SF3B4: variants seen among roughly 807,000 people sequenced by gnomAD.
The protein encoded by SF3B4 is SAP 49.
A neutral mutation model predicts 34.3 loss-of-function variants in SF3B4; 3 were observed. The observed-to-expected ratio is 0.09, with a 90% CI of 0.04 to 0.23. SF3B4 has a LOEUF of 0.23. Ranked by LOEUF, SF3B4 falls within the 10% of genes least tolerant of loss-of-function variation. The pLI, the probability that SF3B4 is intolerant of heterozygous loss-of-function variation, is 1.00. For synonymous variants in SF3B4, 216 were observed against 207.8 expected, an observed-to-expected ratio of 1.04 and a Z score of -0.34; for missense variants, 283 against 567.2, an observed-to-expected ratio of 0.50 and a Z score of 5.09.
chr1:149,923,427 T>G lies in SF3B4; in HGVS notation c.*115A>C, dbSNP rs2092567378. On this transcript the variant is annotated 3_prime_UTR_variant, in exon 6 of 6. Transcript: ENST00000271628. The stretch of plus-strand genomic sequence containing the variant: ...AGTTACATTAAAAAGGGGAATGGAG[T>G]GGGGGTGCTGAAAGGGATTAGTACC... The G allele has an allele frequency of 1.4e-6, 1 of 725,726 alleles. No individual in the cohort carries two copies. The allele number at this position is 725,726 out of a possible 1,614,324, so 45.0% of individuals were successfully genotyped here.
chr1:149,923,783 C>T lies in SF3B4; in HGVS notation c.1088-54G>A, dbSNP rs2101642754. On this transcript the variant is annotated intron_variant, in intron 5 of 5. Coordinates refer to ENST00000271628, the MANE Select transcript of SF3B4 (RefSeq NM_005850.5). Reference sequence around the variant, plus strand: ...GGGCACGGGACAAGGGGTGTGCCTACAGGAAGCTGTAAGAACATGATAAGT... The same window carrying T: ...GGGCACGGGACAAGGGGTGTGCCTATAGGAAGCTGTAAGAACATGATAAGT... 3.9e-6 allele frequency: 6 copies of T among 1,526,720 alleles called. No individual in the cohort carries two copies. The African/African-American group carries it at 4.2e-5, about 11-fold the overall frequency. The allele number at this position is 1,526,720 out of a possible 1,614,324, so 94.6% of individuals were successfully genotyped here.
chr1:149,923,673 G>T lies in SF3B4; in HGVS notation c.1144C>A (p.Pro382Thr). The T allele has an allele frequency of 6.5e-7, 1 of 1,527,776 alleles. No homozygotes were observed. 94.6% of individuals were successfully genotyped at this position (1,527,776 alleles called of 1,614,324 possible). A position where few individuals can be genotyped will look rare whatever the true frequency, so the allele number is the denominator to read the frequency against. Residue 382 changes from proline to threonine, a missense_variant, in exon 6 of 6, where the codon CCC becomes ACC. Around this residue, in one of 4 missense-constraint regions of SF3B4, gnomAD observed 208 missense variants for 292.6 expected, o/e 0.71. Coordinates refer to ENST00000271628, the MANE Select transcript of SF3B4 (RefSeq NM_005850.5). ...GMRGPPPLMP[P>T]HGYTGPPRPP... ...CGTGGAGGGCCAGTGTATCCATGGG[G>T]GGGCATCAGTGGAGGAGGTCCACGC...
rs587737039 is a variant in SF3B4 at position 149,923,798 on chromosome 1, A to G, written c.1087+43T>C. On this transcript the variant is annotated intron_variant, in intron 5 of 5. Transcript: ENST00000271628. ...GGTGTGCCTACAGGAAGCTGTAAGA[A>G]CATGATAAGTGCAGATGAGGGAGGT... 2.6e-6 allele frequency: 4 copies of G among 1,540,006 alleles called. No individual in the cohort carries two copies. In the East Asian group the frequency reaches 7.1e-5, roughly 27 times the overall value.
In SF3B4 at chr1:149,926,068, A is replaced by G. The variant is rs1553765993; in HGVS notation, c.707-26T>C. The G allele has an allele frequency of 2.6e-6, 3 of 1,148,434 alleles. No individual in the cohort carries two copies. Among genetic ancestry groups the G allele is most frequent in the South Asian group, 3.2e-5 (2 of 63,074 alleles). The allele number at this position is 1,148,434 out of a possible 1,614,324, so 71.1% of individuals were successfully genotyped here. A position where few individuals can be genotyped will look rare whatever the true frequency, so the allele number is the denominator to read the frequency against. Reference sequence around the variant, plus strand: ...CTATAGAGGAAATGGAAAAAGGAAGAGTTAATGGTAGTGAGGAGAAAATGT... The same window carrying G: ...CTATAGAGGAAATGGAAAAAGGAAGGGTTAATGGTAGTGAGGAGAAAATGT... On this transcript the variant is annotated intron_variant, in intron 3 of 5. Coordinates refer to ENST00000271628, the MANE Select transcript of SF3B4 (RefSeq NM_005850.5). The surrounding 1 kb of genome is among the most constrained non-coding windows in gnomAD (Gnocchi z 6.2).
chr1:149,924,134 A>C, intron 4 of SF3B4, 120 bp from the exon 5 acceptor site: 1 of 891,128 alleles, frequency 1.1e-6, no homozygotes, highest in East Asian at 3.0e-5. Flanking sequence ...CTATATAGAA[A>C]AAAGGGTATA....
In SF3B4 at chr1:149,925,909, G is replaced by T. The variant is rs751770373; in HGVS notation, c.840C>A (p.Thr280=). ...CATGACCAGGATGTCCTGCCCCTGG[G>T]GTTCCTGCCGATGGGGGGCCATGTC... ...AAGHGPPSAG[T]PGAGHPGHGH... The change falls in exon 4 of 6, where the codon ACC becomes ACA. Residue 280 remains threonine (T), a synonymous_variant. Coordinates refer to ENST00000271628, the MANE Select transcript of SF3B4 (RefSeq NM_005850.5). 4.4e-6 allele frequency: 7 copies of T among 1,592,872 alleles called. No homozygotes were observed. The African/African-American group carries it at 6.7e-5, about 15-fold the overall frequency.
chr1:149,923,907 T>C lies in SF3B4; in HGVS notation c.1021A>G (p.Met341Val). The C allele has an allele frequency of 6.2e-7, 1 of 1,604,752 alleles. No individual in the cohort carries two copies. Among genetic ancestry groups the C allele is most frequent in the Non-Finnish European group, 8.5e-7 (1 of 1,177,210 alleles). Residue 341 changes from methionine (M) to valine (V), a missense_variant, in exon 5 of 6, where the codon ATG (methionine) becomes GTG (valine). Around this residue, in one of 4 missense-constraint regions of SF3B4, gnomAD observed 208 missense variants for 292.6 expected, o/e 0.71. Transcript: ENST00000271628. ...GQPPPRPPPG[M>V]PHPGPPPMGM... ...ATTGGAGGAGGTCCAGGATGAGGCA[T>C]TCCAGGTGGTGGTCGGGGCGGTGGC...
At position 149,923,394 on chromosome 1, in the gene SF3B4, G is replaced by A; in HGVS notation, c.*148C>T. ...CCAACATAAAAAAGAAATACCTCCT[G>A]TGGAAAAAGTTACATTAAAAAGGGG... On this transcript the variant is annotated 3_prime_UTR_variant, in exon 6 of 6. Transcript: ENST00000271628. 2 of 604,388 alleles carry A rather than the reference G, an allele frequency of 3.3e-6. No individual in the cohort carries two copies. Among genetic ancestry groups the A allele is most frequent in the Non-Finnish European group, 5.7e-6 (2 of 353,354 alleles). 37.4% of individuals were successfully genotyped at this position (604,388 alleles called of 1,614,324 possible). A position where few individuals can be genotyped will look rare whatever the true frequency, so the allele number is the denominator to read the frequency against.
At position 149,927,710 on chromosome 1, in the gene SF3B4, T is replaced by C. The variant is rs1482140516; in HGVS notation, c.34+16A>G. On this transcript the variant is annotated intron_variant, in intron 1 of 5. Transcript: ENST00000271628. The stretch of plus-strand genomic sequence containing the variant: ...AGCCACGCTGAGCCCATTCCAGACT[T>C]TCCCCCTCCAGTTACCCTGATTCCG... 7 of 1,552,620 alleles carry C rather than the reference T, an allele frequency of 4.5e-6. No homozygotes were observed. The highest frequency in any genetic ancestry group is 4.4e-6 in the Non-Finnish European group (5 of 1,147,474).
intron 1 of SF3B4, 129 bp from the exon 2 acceptor site, chr1:149,927,423 A>C (rs2092597373): frequency 1.8e-6 from 2 of 1,088,134 alleles, no homozygotes; most frequent in African/African-American, 3.2e-5. Flanking sequence ...CAAAAAAAAA[A>C]GTTTAAACCC....
rs1372241284 is a variant in SF3B4 at position 149,926,376 on chromosome 1, C to G, written c.706G>C (p.Gly236Arg). 6.3e-7 allele frequency: 1 copy of G among 1,597,946 alleles called. No individual in the cohort carries two copies. The highest frequency in any genetic ancestry group is 1.7e-5 in the Admixed American group (1 of 58,368). Reference sequence around the variant, plus strand: ...AACATATTTTAACCAAAAGCTTTACCTGGTGGAGGAAGCCCAGACCCCAAT... The same window carrying G: ...AACATATTTTAACCAAAAGCTTTACGTGGTGGAGGAAGCCCAGACCCCAAT... ...SSLGSGLPPP[G>R]MPPPGSFPPP... Residue 236 changes from glycine (G) to arginine (R), a missense_variant and splice_region_variant, in exon 3 of 6, where the codon GGC becomes CGC. Gly to Arg is a moderately radical substitution (Grantham distance 125). This residue lies in a region of SF3B4 where 208 missense variants were observed against 292.6 expected (regional missense o/e 0.71). Transcript: ENST00000271628. This position sits in a 1 kb window ranked among gnomAD's most constrained non-coding sequence, Gnocchi z 6.2.
rs782731281 is a variant in SF3B4 at position 149,923,672 on chromosome 1, G to T, written c.1145C>A (p.Pro382His). The change falls in exon 6 of 6, where the codon CCC (proline) becomes CAC (histidine). Residue 382 changes from proline to histidine, a missense_variant. Around this residue, in one of 4 missense-constraint regions of SF3B4, gnomAD observed 208 missense variants for 292.6 expected, o/e 0.71. Transcript: ENST00000271628. ...GMRGPPPLMPPHGYTGPPRPP... is the reference protein window; with the variant it reads ...GMRGPPPLMPHHGYTGPPRPP... ...TCGTGGAGGGCCAGTGTATCCATGG[G>T]GGGGCATCAGTGGAGGAGGTCCACG... 4 of 1,527,732 alleles carry T rather than the reference G, an allele frequency of 2.6e-6. No individual in the cohort carries two copies. The highest frequency in any genetic ancestry group is 1.3e-5 in the South Asian group (1 of 76,768). 94.6% of individuals were successfully genotyped at this position (1,527,732 alleles called of 1,614,324 possible).
chr1:149,923,504 T>A lies in SF3B4; in HGVS notation c.*38A>T. 1 of 1,515,188 alleles carries A rather than the reference T, an allele frequency of 6.6e-7. No homozygotes were observed. Among genetic ancestry groups the A allele is most frequent in the Non-Finnish European group, 8.9e-7 (1 of 1,123,106 alleles). 93.9% of individuals were successfully genotyped at this position (1,515,188 alleles called of 1,614,324 possible). A position where few individuals can be genotyped will look rare whatever the true frequency, so the allele number is the denominator to read the frequency against. Reference sequence around the variant, plus strand: ...TGATTGGTCCAAGGAATAGAAAAGATATTGGGAAAATGTAACAGGAGGAAG... The same window carrying A: ...TGATTGGTCCAAGGAATAGAAAAGAAATTGGGAAAATGTAACAGGAGGAAG... On this transcript the variant is annotated 3_prime_UTR_variant, in exon 6 of 6. Coordinates refer to ENST00000271628, the MANE Select transcript of SF3B4 (RefSeq NM_005850.5).
Position 149,927,712 on chromosome 1 carries a change from C to T in SF3B4, c.34+14G>A, listed in dbSNP as rs1553766253. ...CCACGCTGAGCCCATTCCAGACTTTCCCCCTCCAGTTACCCTGATTCCGCT... is the reference window on the plus strand; with the variant it reads ...CCACGCTGAGCCCATTCCAGACTTTTCCCCTCCAGTTACCCTGATTCCGCT... On this transcript the variant is annotated intron_variant, in intron 1 of 5. Coordinates refer to ENST00000271628, the MANE Select transcript of SF3B4 (RefSeq NM_005850.5). 1 of 1,552,712 alleles carries T rather than the reference C, an allele frequency of 6.4e-7. No individual in the cohort carries two copies. The highest frequency in any genetic ancestry group is 8.7e-7 in the Non-Finnish European group (1 of 1,147,538).
Position 149,926,100 on chromosome 1 carries a change from A to G in SF3B4, c.707-58T>C. 1 of 893,420 alleles carries G rather than the reference A, an allele frequency of 1.1e-6. No individual in the cohort carries two copies. Among genetic ancestry groups the G allele is most frequent in the Non-Finnish European group, 1.7e-6 (1 of 591,076 alleles). 55.3% of individuals were successfully genotyped at this position (893,420 alleles called of 1,614,324 possible). On this transcript the variant is annotated intron_variant, in intron 3 of 5. Transcript: ENST00000271628. The surrounding 1 kb of genome is among the most constrained non-coding windows in gnomAD (Gnocchi z 6.2). ...GGTAGTGAGGAGAAAATGTCTTTAA[A>G]GAGCCTGTCCTGATCTGGCCTCTCC... is the stretch of plus-strand genomic sequence containing the variant.
intron 1 of SF3B4, 180 bp from the exon 2 acceptor site, chr1:149,927,474 G>T: frequency 1.3e-6 from 1 of 776,718 alleles, no homozygotes; most frequent in Non-Finnish European, 2.0e-6. Flanking sequence ...ATCCTCTGAA[G>T]TCTAATTTAG....
In SF3B4 at chr1:149,927,751, G is replaced by A. The variant is rs150625746; in HGVS notation, c.9C>T (p.Ala3=). The change falls in exon 1 of 6, where the codon GCC becomes GCT. Residue 3 remains alanine (A), a synonymous_variant. Coordinates refer to ENST00000271628, the MANE Select transcript of SF3B4 (RefSeq NM_005850.5). ...CCTGATTCCGCTCGGAGATCGGCCC[G>A]GCAGCCATGGCGAAAGAGATCCCGC... is the stretch of plus-strand genomic sequence containing the variant. The part of the protein sequence containing the change: MA[A]GPISERNQDA... The A allele has an allele frequency of 2.2e-5, 34 of 1,553,162 alleles. No individual in the cohort carries two copies. Among genetic ancestry groups the A allele is most frequent in the East Asian group, 4.9e-5 (2 of 41,016 alleles).
chr1:149,926,887 T>C lies in SF3B4; in HGVS notation c.195A>G (p.Glu65=), dbSNP rs370304139. Residue 65 remains glutamate (E), a synonymous_variant, in exon 3 of 6, where the codon GAA becomes GAG. Transcript: ENST00000271628. The surrounding 1 kb of genome is among the most constrained non-coding windows in gnomAD (Gnocchi z 6.2). ...GYGFVEFLSE[E]DADYAIKIMN... ...TGATCTTAATGGCATAGTCAGCATCTTCCTCACTCAAGAATTCCACAAAGC... is the reference window on the plus strand; with the variant it reads ...TGATCTTAATGGCATAGTCAGCATCCTCCTCACTCAAGAATTCCACAAAGC... 51 of 1,611,302 alleles carry C rather than the reference T, an allele frequency of 3.2e-5. No homozygotes were observed. The highest frequency in any genetic ancestry group is 4.3e-5 in the Non-Finnish European group (51 of 1,178,648).
In SF3B4 at chr1:149,923,981, G is replaced by C. The variant is rs1420780809; in HGVS notation, c.947C>G (p.Pro316Arg). Reference protein sequence around the residue: ...MSQMQLAHHGPHGLGHPHAGP... With the variant: ...MSQMQLAHHGRHGLGHPHAGP... The stretch of plus-strand genomic sequence containing the variant: ...AGCGTGGGGATGTCCTAAGCCATGA[G>C]GGCCATGGTGTGCAAGCTGCATCTG... Residue 316 changes from proline (P) to arginine (R), a missense_variant, in exon 5 of 6, where the codon CCT (proline) becomes CGT (arginine). Coordinates refer to ENST00000271628, the MANE Select transcript of SF3B4 (RefSeq NM_005850.5). 1 of 1,567,610 alleles carries C rather than the reference G, an allele frequency of 6.4e-7. No homozygotes were observed. The highest frequency in any genetic ancestry group is 1.2e-5 in the South Asian group (1 of 83,748).
Sources: allele counts gnomAD v4.1 joint callset, GRCh38; gene constraint gnomAD v4.1.1; regional missense constraint gnomAD v4.1.1; non-coding constraint Gnocchi (gnomAD v3.1); transcripts MANE v1.5; gene names NCBI Gene and HGNC (gene_info 2026-07-23, HGNC 2026-07-21).